The following SGCZ variants were observed in gnomAD, a reference collection of about 807,000 sequenced individuals.
SGCZ encodes the protein sarcoglycan zeta, also known as zeta-sarcoglycan.
In SGCZ, 40 loss-of-function variants were observed where a neutral mutation model predicts 41.3. That is an observed-to-expected ratio of 0.97 (90% CI 0.75 to 1.26). The LOEUF is 1.26. SGCZ is among the 50% of genes most tolerant of loss of function. SGCZ has a pLI of 0.00. For missense variants in SGCZ, 552 were observed against 369.8 expected, an observed-to-expected ratio of 1.49 and a Z score of -4.04; for synonymous variants, 206 against 137.5, an observed-to-expected ratio of 1.50 and a Z score of -3.49.
In SGCZ at chr8:14,144,962, T is replaced by A. The variant is rs1464480691; in HGVS notation, c.547+19618A>T. Among the ~76,000 whole-genome samples the A allele has an allele frequency of 2.0e-5, 3 of 152,108 alleles. No individual in the cohort carries two copies. In the East Asian group the frequency reaches 5.8e-4, roughly 29 times the overall value. On this transcript the variant is annotated intron_variant, in intron 5 of 7. Transcript: ENST00000382080. ...GGTTTGATTGCCAGCTCAGCCACAGTAAAATAGAACACCAGGTAGACTTCT... is the reference window on the plus strand; with the variant it reads ...GGTTTGATTGCCAGCTCAGCCACAGAAAAATAGAACACCAGGTAGACTTCT...
At chr8:15,237,454 C>G in intron 1 of SGCZ, 131 bp downstream of exon 1, 1 of 1,082,660 alleles carries the variant, frequency 9.2e-7, no homozygotes. Flanking sequence ...GGGTGCGCGT[C>G]CCCCCAACGC....
At chr8:14,728,493 A>G (rs537600310) in intron 1 of SGCZ, among the ~76,000 whole-genome samples, 37 of 152,070 alleles carry the variant, frequency 2.4e-4, no homozygotes, top group Non-Finnish European at 4.7e-4. Flanking sequence ...CTTATTAACC[A>G]TGGAAAAAGA....
chr8:14,819,470 T>C lies in SGCZ; in HGVS notation c.40-264544A>G, dbSNP rs530616326. ...AAGTCCAATCACAAGACTGGCCTTATAGGGAACACTCAAGAAAGTGCTACA... is the reference window on the plus strand; with the variant it reads ...AAGTCCAATCACAAGACTGGCCTTACAGGGAACACTCAAGAAAGTGCTACA... On this transcript the variant is annotated intron_variant, in intron 1 of 7. Coordinates refer to ENST00000382080, the MANE Select transcript of SGCZ (RefSeq NM_139167.4). Among the ~76,000 whole-genome samples the C allele has an allele frequency of 3.9e-5, 6 of 152,290 alleles. No homozygotes were observed. The East Asian group carries it at 7.7e-4, about 20-fold the overall frequency.
chr8:14,548,071 G>A (rs1214022640), intron 2 of SGCZ, among the ~76,000 whole-genome samples: 1 of 152,082 alleles, frequency 6.6e-6, no homozygotes, highest in East Asian at 1.9e-4. Flanking sequence ...GTATATGTCA[G>A]GTACTTCTGG....
intron 1 of SGCZ, among the ~76,000 whole-genome samples, chr8:14,926,722 C>T (rs1799764107): frequency 6.6e-6 from 1 of 151,928 alleles, no homozygotes; most frequent in South Asian, 2.1e-4. Flanking sequence ...CTCACTGCAA[C>T]CTCCAACTCT....
intron 3 of SGCZ, among the ~76,000 whole-genome samples, chr8:14,272,399 C>G (rs1423519374): frequency 6.6e-6 from 1 of 152,150 alleles, no homozygotes; most frequent in Non-Finnish European, 1.5e-5. Context: ...GCACTATTGT[C>G]CTGAATAACC....
chr8:15,157,510 T>G (rs188639900), intron 1 of SGCZ, among the ~76,000 whole-genome samples: 20 of 152,254 alleles, frequency 1.3e-4, no homozygotes, highest in Admixed American at 9.8e-4. Context: ...CAAGAACCAT[T>G]TGGAGTTCAT....
At chr8:14,911,501 A>C (rs1215110507) in intron 1 of SGCZ, among the ~76,000 whole-genome samples, 1 of 152,066 alleles carries the variant, frequency 6.6e-6, no homozygotes, top group African/African-American at 2.4e-5. Context: ...TAATCCTAGA[A>C]AGCTAAACCT....
At chr8:14,621,735 C>G (rs978855837) in intron 1 of SGCZ, among the ~76,000 whole-genome samples, 2 of 152,034 alleles carry the variant, frequency 1.3e-5, no homozygotes, top group South Asian at 4.1e-4. Flanking sequence ...ATCAGGAAGA[C>G]AGCATGGGGG....
At position 15,157,466 on chromosome 8, in the gene SGCZ, A is replaced by G. The variant is rs191225186; in HGVS notation, c.39+80119T>C. ...CCCGTAATTTTTTTCATTTTTTACA[A>G]AGAAAAAAATAAAAAGAACAACAAC... On this transcript the variant is annotated intron_variant, in intron 1 of 7. Coordinates refer to ENST00000382080, the MANE Select transcript of SGCZ (RefSeq NM_139167.4). Among the ~76,000 whole-genome samples, 399 of 150,516 alleles carry G rather than the reference A, an allele frequency of 2.7e-3. 2 individuals are homozygous for G. The highest frequency in any genetic ancestry group is 9.6e-3 in the African/African-American group (383 of 39,928).
intron 2 of SGCZ, among the ~76,000 whole-genome samples, chr8:14,457,763 G>A (rs537722521): frequency 8.9e-4 from 136 of 152,304 alleles, no homozygotes; most frequent in Non-Finnish European, 1.4e-3. Context: ...CAGTGGACAC[G>A]TGACCCACGT....
rs192130172 is a variant in SGCZ, at chr8:14,918,194, C to T, written c.39+319391G>A. On this transcript the variant is annotated intron_variant, in intron 1 of 7. Transcript: ENST00000382080. ...CCATTTTCTTTAGTCATCCCTATAA[C>T]GGAGAATTAAGGCAATGAGACCGGC... Among the ~76,000 whole-genome samples the T allele has an allele frequency of 1.7e-4, 26 of 152,160 alleles. 1 individual carries two copies. The highest frequency in any genetic ancestry group is 1.4e-3 in the East Asian group (7 of 5,164).
At chr8:14,157,361 TGTGA>T (rs148739169) in intron 5 of SGCZ, among the ~76,000 whole-genome samples, 5,404 of 126,440 alleles carry the variant, frequency 0.043, 242 homozygotes, top group African/African-American at 0.11. Context: ...TGTGTGTGTG[TGTGA>T]GTGTGTGTGT....
chr8:14,643,106 C>T (rs1025767006), intron 1 of SGCZ, among the ~76,000 whole-genome samples: 2 of 151,512 alleles, frequency 1.3e-5, no homozygotes, highest in East Asian at 3.9e-4. Flanking sequence ...TACCTATACA[C>T]TTCTTCCAAA....
chr8:14,085,722 T>C lies in SGCZ; in HGVS notation c.*4721A>G, dbSNP rs1801505091. ...TTTATGAATACCAAGGAGTTTGTTA[T>C]GCATGTATAAAAGAAAAGTGGACCA... is the stretch of plus-strand genomic sequence containing the variant. On this transcript the variant is annotated 3_prime_UTR_variant, in exon 8 of 8. Coordinates refer to ENST00000382080, the MANE Select transcript of SGCZ (RefSeq NM_139167.4). 6.6e-6 allele frequency among the ~76,000 whole-genome samples: 1 copy of C among 151,804 alleles called. No homozygotes were observed. The highest frequency in any genetic ancestry group is 1.5e-5 in the Non-Finnish European group (1 of 67,804).
chr8:14,162,535 C>T (rs1285526306), intron 5 of SGCZ: 1 of 152,254 alleles, frequency 6.6e-6, no homozygotes, highest in Non-Finnish European at 1.5e-5. Flanking sequence ...TGTTCTATGA[C>T]AAACAGAACT....
intron 2 of SGCZ, among the ~76,000 whole-genome samples, chr8:14,385,682 T>A (rs1804550217): frequency 6.6e-6 from 1 of 152,158 alleles, no homozygotes; most frequent in South Asian, 2.1e-4. Context: ...AACTTTTATT[T>A]ACTTTAAAAG....
At chr8:14,261,504 T>C (rs1195640104) in intron 3 of SGCZ, among the ~76,000 whole-genome samples, 5 of 152,140 alleles carry the variant, frequency 3.3e-5, no homozygotes, top group Admixed American at 6.6e-5. Context: ...TTCACTCCCT[T>C]TGAAAGTTTT....
intron 5 of SGCZ, among the ~76,000 whole-genome samples, chr8:14,127,287 C>A (rs992957972): frequency 1.1e-4 from 17 of 152,050 alleles, no homozygotes; most frequent in African/African-American, 4.1e-4. Flanking sequence ...TAACCTGAGA[C>A]CAGAGGTTAC....
Sources: allele counts gnomAD v4.1 joint callset (sites outside exome capture counted in the v4.1 genomes callset), GRCh38; gene constraint gnomAD v4.1.1; transcripts MANE v1.5; gene names NCBI Gene and HGNC (gene_info 2026-07-23, HGNC 2026-07-21).